The following PLBD1 variants were observed in gnomAD, a reference collection of about 807,000 sequenced individuals.
The protein encoded by PLBD1 is phospholipase B domain containing 1, also known as lysosomal leucine aminopeptidase.
In PLBD1, 60 loss-of-function variants were observed where a neutral mutation model predicts 63.0. That is an observed-to-expected ratio of 0.95 (90% CI 0.77 to 1.18). PLBD1 has a LOEUF of 1.18. Ranked by LOEUF, PLBD1 falls within the 50% of genes most tolerant of loss-of-function variation. The probability of loss-of-function intolerance (pLI) is 0.00; values close to 1 mark genes in which losing one functional copy is unlikely to be tolerated. For synonymous variants in PLBD1, 262 were observed against 248.0 expected, an observed-to-expected ratio of 1.06 and a Z score of -0.53; for missense variants, 598 against 677.9, an observed-to-expected ratio of 0.88 and a Z score of 1.31.
intron 10 of PLBD1, among the ~76,000 whole-genome samples, chr12:14,505,127 T>C (rs1036866229): frequency 7.5e-5 from 11 of 147,374 alleles, no homozygotes; most frequent in Non-Finnish European, 1.6e-4. Context: ...TTTTTTTTAA[T>C]GTTAACATTG....
At chr12:14,554,579 C>T (rs1482772553) in intron 1 of PLBD1, among the ~76,000 whole-genome samples, 1 of 152,098 alleles carries the variant, frequency 6.6e-6, no homozygotes, top group East Asian at 1.9e-4. Context: ...GCCTCGCCTT[C>T]TGGAAAGAGG....
intron 8 of PLBD1, among the ~76,000 whole-genome samples, chr12:14,507,978 G>A (rs1443627982): frequency 1.3e-5 from 2 of 152,112 alleles, no homozygotes; most frequent in Non-Finnish European, 1.5e-5. Context: ...ATTCTCTCCT[G>A]GCCCTTTTCT....
chr12:14,549,871 T>G (rs1039348204), intron 2 of PLBD1, among the ~76,000 whole-genome samples: 5 of 152,220 alleles, frequency 3.3e-5, no homozygotes, highest in African/African-American at 7.2e-5. Flanking sequence ...TTTCGCCATG[T>G]TGGCCAGGCT....
At chr12:14,519,931 G>C (rs1427582635) in intron 6 of PLBD1, among the ~76,000 whole-genome samples, 1 of 152,186 alleles carries the variant, frequency 6.6e-6, no homozygotes, top group African/African-American at 2.4e-5. Flanking sequence ...CAGAACAGCT[G>C]AGAATTTAAG....
Position 14,503,742 on chromosome 12 carries a change from TAC to T in PLBD1, c.*28_*29del. ...AAAATAGTGCCTTTGGTATCTTATT[TAC>T]AGTCTTCTAGTCCGTCATCTCCCTC... On this transcript the variant is annotated 3_prime_UTR_variant, in exon 11 of 11. Coordinates refer to ENST00000240617, the MANE Select transcript of PLBD1 (RefSeq NM_024829.6). The T allele has an allele frequency of 1.3e-6, 2 of 1,577,676 alleles. No individual in the cohort carries two copies. The highest frequency in any genetic ancestry group is 1.7e-6 in the Non-Finnish European group (2 of 1,150,326).
intron 1 of PLBD1, among the ~76,000 whole-genome samples, chr12:14,566,192 C>T (rs554053923): frequency 6.6e-6 from 1 of 152,272 alleles, no homozygotes; most frequent in African/African-American, 2.4e-5. Flanking sequence ...TGAGCTGTCT[C>T]CCTAGACTAG....
intron 1 of PLBD1, among the ~76,000 whole-genome samples, chr12:14,562,888 A>G (rs1945752272): frequency 6.6e-6 from 1 of 152,226 alleles, no homozygotes; most frequent in Admixed American, 6.5e-5. Flanking sequence ...GTGACAATGT[A>G]AAATTCATGT....
intron 6 of PLBD1, among the ~76,000 whole-genome samples, chr12:14,519,109 C>T (rs1158456537): frequency 1.3e-5 from 2 of 152,120 alleles, no homozygotes; most frequent in African/African-American, 2.4e-5. Context: ...ATTAGTACAG[C>T]ATTGGTTAAG....
chr12:14,531,524 T>G (rs1945461629), intron 6 of PLBD1, among the ~76,000 whole-genome samples: 1 of 152,220 alleles, frequency 6.6e-6, no homozygotes, highest in Admixed American at 6.5e-5. Context: ...AATGATAATT[T>G]GTTTTATGGT....
chr12:14,533,232 A>C (rs896217075), intron 6 of PLBD1: 6 of 152,244 alleles, frequency 3.9e-5, no homozygotes, highest in African/African-American at 1.4e-4. Context: ...CCTTAATAAA[A>C]TAAGTTGTAA....
At chr12:14,504,000 C>CA in intron 10 of PLBD1, 46 bp from the exon 11 acceptor site, 1 of 1,536,456 alleles carries the variant, frequency 6.5e-7, no homozygotes, top group Non-Finnish European at 8.9e-7. Flanking sequence ...CATCGTTCAG[C>CA]AAAAAATTAA....
At chr12:14,511,472 T>A (rs112095759) in intron 7 of PLBD1, 39 bp downstream of exon 7, 1 of 1,614,042 alleles carries the variant, frequency 6.2e-7, no homozygotes, top group East Asian at 2.2e-5. Flanking sequence ...AATCAAAATA[T>A]ATGTCTGTGC....
At chr12:14,535,543 T>C (rs762624185) in intron 6 of PLBD1, 116 bp downstream of exon 6, 3 of 1,114,294 alleles carry the variant, frequency 2.7e-6, no homozygotes, top group Non-Finnish European at 3.9e-6. Context: ...AGATTGTTTG[T>C]TAATATATAC....
chr12:14,538,107 C>T (rs985893852), intron 4 of PLBD1, among the ~76,000 whole-genome samples: 1 of 151,244 alleles, frequency 6.6e-6, no homozygotes, highest in Non-Finnish European at 1.5e-5. Context: ...TTTTTTTTGT[C>T]TTAGTATCTT....
intron 6 of PLBD1, among the ~76,000 whole-genome samples, chr12:14,516,121 G>A (rs895828404): frequency 6.6e-6 from 1 of 151,788 alleles, no homozygotes; most frequent in African/African-American, 2.4e-5. Context: ...ACAAGGTCAG[G>A]AGTTTGAGAC....
At chr12:14,512,391 C>G (rs1945305501) in intron 6 of PLBD1, among the ~76,000 whole-genome samples, 1 of 152,108 alleles carries the variant, frequency 6.6e-6, no homozygotes, top group Admixed American at 6.5e-5. Context: ...TCAAGTGATT[C>G]ACCCACCTTA....
intron 8 of PLBD1, among the ~76,000 whole-genome samples, chr12:14,509,843 A>T (rs576991738): frequency 6.6e-6 from 1 of 152,340 alleles, no homozygotes; most frequent in African/African-American, 2.4e-5. Context: ...ACTGTCCAGT[A>T]GGATTTTTAA....
intron 4 of PLBD1, among the ~76,000 whole-genome samples, chr12:14,538,186 ATTAT>A (rs1277260557): frequency 6.6e-6 from 1 of 150,982 alleles, no homozygotes; most frequent in East Asian, 1.9e-4. Flanking sequence ...TTTTTTAATT[ATTAT>A]TTATTTATTT....
chr12:14,551,272 AGAATTGCTT>A (rs1592008419), intron 2 of PLBD1, among the ~76,000 whole-genome samples: 1 of 152,040 alleles, frequency 6.6e-6, no homozygotes, highest in Non-Finnish European at 1.5e-5. Flanking sequence ...CTGAAGCTCA[AGAATTGCTT>A]GAATCCGAGA....
Sources: allele counts gnomAD v4.1 joint callset (sites outside exome capture counted in the v4.1 genomes callset), GRCh38; gene constraint gnomAD v4.1.1; transcripts MANE v1.5; gene names NCBI Gene and HGNC (gene_info 2026-07-23, HGNC 2026-07-21).